Variants in HS3ST3A1 observed in about 807,000 individuals in gnomAD.
HS3ST3A1 encodes heparan sulfate-glucosamine 3-sulfotransferase 3A1.
Under a neutral mutation model 25.7 loss-of-function variants are expected in HS3ST3A1, and 19 were observed. That is an observed-to-expected ratio of 0.74 (90% confidence interval 0.52 to 1.08). The LOEUF is 1.08. Among genes scored for constraint, HS3ST3A1 ranks in the 50% least tolerant of loss-of-function variants. HS3ST3A1 has a pLI of 0.00. For synonymous variants in HS3ST3A1, 226 were observed against 278.6 expected (o/e 0.81, Z 1.88); for missense variants, 459 against 594.3 (o/e 0.77, Z 2.37).
At position 13,588,830 on chromosome 17, in the gene HS3ST3A1, C is replaced by A. The variant is rs548976975; in HGVS notation, c.599+11701G>T. Among the ~76,000 whole-genome samples the A allele has an allele frequency of 8.2e-4, 125 of 152,168 alleles. 1 individual carries two copies. Among genetic ancestry groups the A allele is most frequent in the African/African-American group, 3.0e-3 (123 of 41,510 alleles). ...TCCCAAGTAGCTGGGACTACAGGCG[C>A]CCACCACCACGCCCAGCTAATTTTT... is the stretch of plus-strand genomic sequence containing the variant. On this transcript the variant is annotated intron_variant, in intron 1 of 1. Transcript: ENST00000284110.
At chr17:13,523,441 G>A (rs1906311914) in intron 1 of HS3ST3A1, among the ~76,000 whole-genome samples, 1 of 152,186 alleles carries the variant, frequency 6.6e-6, no homozygotes, top group Admixed American at 6.5e-5. Context: ...TATGGAAGAG[G>A]AAACGAAAAG....
intron 1 of HS3ST3A1, among the ~76,000 whole-genome samples, chr17:13,552,346 G>A (rs982623635): frequency 3.9e-5 from 6 of 152,174 alleles, no homozygotes; most frequent in African/African-American, 1.2e-4. Flanking sequence ...CTCCTAAAGT[G>A]CTGGGATCAC....
intron 1 of HS3ST3A1, among the ~76,000 whole-genome samples, chr17:13,589,447 C>T (rs1908361527): frequency 6.6e-6 from 1 of 152,140 alleles, no homozygotes; most frequent in Non-Finnish European, 1.5e-5. Flanking sequence ...CATCATTAAA[C>T]CCTAGCAGGG....
chr17:13,522,243 A>AC (rs1906272111), intron 1 of HS3ST3A1, among the ~76,000 whole-genome samples: 1 of 151,624 alleles, frequency 6.6e-6, no homozygotes, highest in Non-Finnish European at 1.5e-5. Context: ...AAAAAAAAAA[A>AC]GTTAACAATA....
intron 1 of HS3ST3A1, among the ~76,000 whole-genome samples, chr17:13,517,754 C>A (rs535654143): frequency 1.3e-5 from 2 of 152,050 alleles, no homozygotes; most frequent in Non-Finnish European, 2.9e-5. Context: ...CAGGTTCAAG[C>A]GATTCTCCTG....
chr17:13,509,580 G>C (rs1467844834), intron 1 of HS3ST3A1, among the ~76,000 whole-genome samples: 1 of 151,820 alleles, frequency 6.6e-6, no homozygotes, highest in Non-Finnish European at 1.5e-5. Context: ...GTGTGTATTT[G>C]TGTGCGAGAG....
At chr17:13,550,795 G>T (rs772638822) in intron 1 of HS3ST3A1, among the ~76,000 whole-genome samples, 1 of 152,262 alleles carries the variant, frequency 6.6e-6, no homozygotes, top group South Asian at 2.1e-4. Context: ...CAGGCCCGGC[G>T]CAGTGGCTCA....
At chr17:13,571,489 C>T (rs567382096) in intron 1 of HS3ST3A1, among the ~76,000 whole-genome samples, 84 of 152,286 alleles carry the variant, frequency 5.5e-4, no homozygotes, top group Middle Eastern at 3.4e-3. Context: ...GCACAGGTTA[C>T]CAACTGGCCA....
At chr17:13,538,901 C>T (rs1053694884) in intron 1 of HS3ST3A1, among the ~76,000 whole-genome samples, 5 of 152,136 alleles carry the variant, frequency 3.3e-5, no homozygotes, top group Non-Finnish European at 4.4e-5. Context: ...AAACTTAATG[C>T]TTGCAACAAT....
chr17:13,563,159 C>T (rs7220457), intron 1 of HS3ST3A1, among the ~76,000 whole-genome samples: 86,809 of 150,954 alleles, frequency 0.58, 25,175 homozygotes, highest in Middle Eastern at 0.61. Context: ...TCCAGGGATA[C>T]CTAGACCCCA....
Position 13,601,278 on chromosome 17 carries a change from A to G in HS3ST3A1, c.-149T>C. 1.7e-6 allele frequency: 1 copy of G among 575,412 alleles called. No individual in the cohort carries two copies. The highest frequency in any genetic ancestry group is 2.8e-6 in the Non-Finnish European group (1 of 354,316). The allele number at this position is 575,412 out of a possible 1,614,324, so 35.6% of individuals were successfully genotyped here. A position where few individuals can be genotyped will look rare whatever the true frequency, so the allele number is the denominator to read the frequency against. On this transcript the variant is annotated 5_prime_UTR_variant, in exon 1 of 2. Coordinates refer to ENST00000284110, the MANE Select transcript of HS3ST3A1 (RefSeq NM_006042.3). ...GGCCGTGCGAACTGTCCCGGGAGGC[A>G]GCGGCCGGGGCTCCGCGGGGAAACG...
intron 1 of HS3ST3A1, among the ~76,000 whole-genome samples, chr17:13,558,378 T>C (rs1907436925): frequency 6.6e-6 from 1 of 152,076 alleles, no homozygotes; most frequent in East Asian, 1.9e-4. Context: ...TTATTTATAA[T>C]ATATATAAAG....
intron 1 of HS3ST3A1, among the ~76,000 whole-genome samples, chr17:13,527,248 G>GCC (rs1906461131): frequency 6.6e-6 from 1 of 152,038 alleles, no homozygotes; most frequent in South Asian, 2.1e-4. Context: ...ACTGAACTAT[G>GCC]TTCCTATCTG....
intron 1 of HS3ST3A1, among the ~76,000 whole-genome samples, chr17:13,581,247 A>C (rs1282593436): frequency 1.3e-5 from 2 of 152,102 alleles, no homozygotes; most frequent in Admixed American, 1.3e-4. Context: ...TGGGTGGATC[A>C]CCTGAGGTCA....
chr17:13,543,632 A>T (rs1215772588), intron 1 of HS3ST3A1: 1 of 162,252 alleles, frequency 6.2e-6, no homozygotes, highest in Non-Finnish European at 1.5e-5. Flanking sequence ...CCAACCTAAT[A>T]CATGCAGAAT....
chr17:13,583,190 G>A (rs939974300), intron 1 of HS3ST3A1, among the ~76,000 whole-genome samples: 4 of 152,010 alleles, frequency 2.6e-5, no homozygotes, highest in South Asian at 2.1e-4. Flanking sequence ...AATCTGACTC[G>A]ACCACTAAGA....
At chr17:13,553,921 T>C (rs1446850977) in intron 1 of HS3ST3A1, among the ~76,000 whole-genome samples, 1 of 152,194 alleles carries the variant, frequency 6.6e-6, no homozygotes, top group Non-Finnish European at 1.5e-5. Context: ...TTTATTCCAC[T>C]GATACTGCTT....
rs912957506 is a variant in HS3ST3A1 at position 13,499,074 on chromosome 17, T to C, written c.600-2256A>G. On this transcript the variant is annotated intron_variant, in intron 1 of 1. Coordinates refer to ENST00000284110, the MANE Select transcript of HS3ST3A1 (RefSeq NM_006042.3). ...TAAATGTGAACTTCCTTTTTCAAAA[T>C]AATTCTTAATGGACCTCATTACCCA... 2.8e-4 allele frequency among the ~76,000 whole-genome samples: 42 copies of C among 152,296 alleles called. 1 individual carries two copies. The highest frequency in any genetic ancestry group is 8.2e-4 in the African/African-American group (34 of 41,566).
At chr17:13,593,233 C>CAAAAAAAA (rs5819419) in intron 1 of HS3ST3A1, among the ~76,000 whole-genome samples, 3 of 103,182 alleles carry the variant, frequency 2.9e-5, no homozygotes, top group Admixed American at 1.1e-4. Flanking sequence ...TGTTTGTAGC[C>CAAAAAAAA]AAAAAAAAAA....
Sources: gnomAD v4.1 joint callset for allele counts (sites outside exome capture counted in the v4.1 genomes callset) on GRCh38, gnomAD v4.1.1 for gene constraint, MANE v1.5 for transcripts, NCBI Gene and HGNC (gene_info 2026-07-23, HGNC 2026-07-21) for gene names.